The following DCAF8L2 variants were observed in gnomAD, a reference collection of about 807,000 sequenced individuals.
DCAF8L2 encodes the protein DDB1 and CUL4 associated factor 8 like 2.
For synonymous variants in DCAF8L2, 200 were observed against 190.9 expected (o/e 1.05, Z -0.39); for missense variants, 430 against 490.7 (o/e 0.88, Z 1.17).
At chrX:27,526,565 C>T in the DCAF8L2 span, among the ~76,000 whole-genome samples, 17 of 110,930 alleles carry the variant, frequency 1.5e-4, no homozygotes, top group Non-Finnish European at 2.6e-4. Flanking sequence ...CCATTGCTGG[C>T]GAGGAGCTGT....
chrX:27,479,400 C>G, the DCAF8L2 span, among the ~76,000 whole-genome samples: 6 of 111,270 alleles, frequency 5.4e-5, no homozygotes, highest in Admixed American at 9.6e-5. Flanking sequence ...TCCTGATCCA[C>G]AGGTACTTTG....
the DCAF8L2 span, among the ~76,000 whole-genome samples, chrX:27,529,494 G>T: frequency 7.1e-5 from 8 of 111,900 alleles, no homozygotes. Context: ...GTTGGTTGCT[G>T]TTGGTTATGT....
intron 4 of DCAF8L2, among the ~76,000 whole-genome samples, chrX:27,743,740 TA>T (rs1922007679): frequency 1.0e-5 from 1 of 97,010 alleles, no homozygotes; most frequent in Non-Finnish European, 2.0e-5. Context: ...TTTATTTATT[TA>T]TTTATTTTTG....
At chrX:27,562,639 G>C in the DCAF8L2 span, among the ~76,000 whole-genome samples, 7 of 112,202 alleles carry the variant, frequency 6.2e-5, no homozygotes, top group African/African-American at 2.3e-4. Context: ...ATGCAGGCCT[G>C]ACAGCATTCT....
chrX:27,692,747 A>G (rs1054703910), intron 3 of DCAF8L2, among the ~76,000 whole-genome samples: 9 of 111,483 alleles, frequency 8.1e-5, no homozygotes, highest in African/African-American at 2.6e-4. Flanking sequence ...TGTGGTGACT[A>G]TGTCACCCAG....
the DCAF8L2 span, among the ~76,000 whole-genome samples, chrX:27,585,057 T>G: frequency 9.0e-6 from 1 of 110,753 alleles, no homozygotes; most frequent in Non-Finnish European, 1.9e-5. Flanking sequence ...ATATTGTTTT[T>G]TTTTTCAATT....
At chrX:27,665,526 G>A (rs1204854536) in intron 2 of DCAF8L2, among the ~76,000 whole-genome samples, 3 of 112,152 alleles carry the variant, frequency 2.7e-5, no homozygotes, top group African/African-American at 9.7e-5. Context: ...AGATGTTAAA[G>A]TAGTGCCAAG....
intron 1 of DCAF8L2, among the ~76,000 whole-genome samples, chrX:27,623,221 G>C (rs1006863373): frequency 2.5e-4 from 28 of 110,847 alleles, no homozygotes; most frequent in Non-Finnish European, 1.9e-5. Flanking sequence ...ATAGAACTGA[G>C]GATAGAGTTC....
At chrX:27,641,661 G>A (rs1235906583) in intron 2 of DCAF8L2, among the ~76,000 whole-genome samples, 3 of 108,833 alleles carry the variant, frequency 2.8e-5, no homozygotes, top group South Asian at 4.0e-4. Context: ...TAGTAGAGAC[G>A]GGGTTTCACC....
At position 27,601,679 on chromosome X, in the gene DCAF8L2, G is replaced by A. The variant is rs1294348385; in HGVS notation, c.-342+11239G>A. Among the ~76,000 whole-genome samples the A allele has an allele frequency of 3.8e-5, 4 of 106,124 alleles. No homozygotes were observed. In the East Asian group the frequency reaches 8.9e-4, roughly 24 times the overall value. The allele number at this position is 106,124 out of a possible 115,157, so 92.2% of individuals were successfully genotyped here. A position where few individuals can be genotyped will look rare whatever the true frequency, so the allele number is the denominator to read the frequency against. On this transcript the variant is annotated intron_variant, in intron 1 of 4. Transcript: ENST00000451261. ...CGTGCCACTGCACTCCAGCCTGGGC[G>A]ACAGAGTGAGACTCAGTCTCAAAAA...
chrX:27,617,396 G>T (rs1455810487), intron 1 of DCAF8L2, among the ~76,000 whole-genome samples: 2 of 110,082 alleles, frequency 1.8e-5, no homozygotes, highest in Admixed American at 2.0e-4. Flanking sequence ...TCTCCCAATA[G>T]ATCCTGTTTT....
At chrX:27,478,296 A>G in the DCAF8L2 span, among the ~76,000 whole-genome samples, 2 of 112,343 alleles carry the variant, frequency 1.8e-5, no homozygotes, top group Admixed American at 9.5e-5. Flanking sequence ...TTTTTAAAGC[A>G]TATACAAGCT....
chrX:27,696,217 AAAAGAAAGAAAGAATG>A (rs899248105), intron 3 of DCAF8L2, among the ~76,000 whole-genome samples: 1 of 105,375 alleles, frequency 9.5e-6, no homozygotes, highest in African/African-American at 3.5e-5. Context: ...AAAAAGAAGA[AAAAGAAAGAAAGAATG>A]AAAGAAAGAA....
chrX:27,714,543 C>G (rs1221823118), intron 3 of DCAF8L2, among the ~76,000 whole-genome samples: 2 of 111,709 alleles, frequency 1.8e-5, no homozygotes, highest in East Asian at 5.6e-4. Flanking sequence ...ATGTTTATTC[C>G]CATTGTATAA....
intron 3 of DCAF8L2, among the ~76,000 whole-genome samples, chrX:27,707,407 T>C (rs186156180): frequency 9.0e-6 from 1 of 111,542 alleles, no homozygotes; most frequent in East Asian, 2.8e-4. Context: ...ATTGGATAAA[T>C]GGGTAGATGG....
At chrX:27,697,233 A>C (rs1308662815) in intron 3 of DCAF8L2, among the ~76,000 whole-genome samples, 1 of 111,627 alleles carries the variant, frequency 9.0e-6, no homozygotes, top group Non-Finnish European at 1.9e-5. Context: ...GCTACAGTTA[A>C]GTTATTAAAT....
chrX:27,648,503 C>CAT (rs200073860), intron 2 of DCAF8L2, among the ~76,000 whole-genome samples: 22,395 of 92,274 alleles, frequency 0.24, 2,445 homozygotes, highest in Middle Eastern at 0.33. Flanking sequence ...GTTAAGCAAA[C>CAT]ATATATATAT....
At chrX:27,532,175 T>G in the DCAF8L2 span, among the ~76,000 whole-genome samples, 1 of 110,764 alleles carries the variant, frequency 9.0e-6, no homozygotes, top group South Asian at 3.9e-4. Context: ...GCACCTACAG[T>G]CATATCTTGG....
At position 27,688,645 on chromosome X, in the gene DCAF8L2, CA is replaced by C. The variant is rs1361086560; in HGVS notation, c.-143+10740del. On this transcript the variant is annotated intron_variant, in intron 3 of 4. Coordinates refer to ENST00000451261, the MANE Select transcript of DCAF8L2 (RefSeq NM_001353450.2). ...TCTAAAATATGTTGTCTAACAATAA[CA>C]AAAAAAGGATATTCTATAACTATCT... Among the ~76,000 whole-genome samples, 17 of 110,563 alleles carry C rather than the reference CA, an allele frequency of 1.5e-4. No individual in the cohort carries two copies. In the East Asian group the frequency reaches 4.8e-3, roughly 31 times the overall value.
Sources: gnomAD v4.1 joint callset for allele counts (sites outside exome capture counted in the v4.1 genomes callset) on GRCh38, gnomAD v4.1.1 for gene constraint, MANE v1.5 for transcripts, NCBI Gene and HGNC (gene_info 2026-07-23, HGNC 2026-07-21) for gene names.